SLC1A6: variants seen among roughly 807,000 people sequenced by gnomAD.
The protein encoded by SLC1A6 is excitatory amino acid transporter 4.
A neutral mutation model predicts 42.1 loss-of-function variants in SLC1A6; 15 were observed. That is an observed-to-expected ratio of 0.36 (90% confidence interval 0.24 to 0.55). SLC1A6 has a LOEUF of 0.55. Among genes scored for constraint, SLC1A6 ranks in the 20% least tolerant of loss-of-function variants. The probability of loss-of-function intolerance (pLI) is 0.88; values close to 1 mark genes in which losing one functional copy is unlikely to be tolerated. For missense variants in SLC1A6, 542 were observed against 772.5 expected (o/e 0.70, Z 3.54); for synonymous variants, 317 against 319.7 (o/e 0.99, Z 0.09).
intron 1 of SLC1A6, among the ~76,000 whole-genome samples, chr19:14,995,423 T>C (rs2045841384): frequency 6.7e-6 from 1 of 148,552 alleles, no homozygotes; most frequent in South Asian, 2.2e-4. Flanking sequence ...GTGGTTACCA[T>C]ACCATAGCCT....
intron 2 of SLC1A6, among the ~76,000 whole-genome samples, chr19:14,972,103 T>G (rs1300902219): frequency 1.4e-5 from 2 of 145,006 alleles, no homozygotes; most frequent in Non-Finnish European, 2.9e-5. Context: ...TGTGCAAATG[T>G]AAATGTGTAA....
chr19:14,997,114 A>G (rs1005398135), intron 1 of SLC1A6, among the ~76,000 whole-genome samples: 2 of 152,192 alleles, frequency 1.3e-5, no homozygotes, highest in Non-Finnish European at 2.9e-5. Flanking sequence ...ATTTCCTTGC[A>G]GGCAAAGGAC....
intron 5 of SLC1A6, among the ~76,000 whole-genome samples, chr19:14,963,309 A>G (rs2045536202): frequency 6.6e-6 from 1 of 152,178 alleles, no homozygotes. Context: ...GGGAGCAGGG[A>G]AATTGGGGAG....
At position 14,956,674 on chromosome 19, in the gene SLC1A6, C is replaced by A; in HGVS notation, c.971G>T (p.Gly324Val). The A allele has an allele frequency of 6.2e-7, 1 of 1,613,618 alleles. No homozygotes were observed. Among genetic ancestry groups the A allele is most frequent in the Non-Finnish European group, 8.5e-7 (1 of 1,179,712 alleles). The change falls in exon 7 of 10, where the codon GGG (glycine) becomes GTG (valine). Residue 324 changes from glycine (G) to valine (V), a missense_variant. This residue lies in a region of SLC1A6 where 298 missense variants were observed against 419.4 expected (regional missense o/e 0.71). Coordinates refer to ENST00000594383, the MANE Select transcript of SLC1A6 (RefSeq NM_005071.3). ...CATGTCTTCCATCTCCAGAATCTTC[C>A]CAGCAATCAGGAACAGGATGCCCAC... ...APVGILFLIA[G>V]KILEMEDMAV... is the part of the protein sequence containing the mutation.
intron 1 of SLC1A6, among the ~76,000 whole-genome samples, chr19:14,997,933 C>T (rs564347879): frequency 6.6e-6 from 1 of 151,994 alleles, no homozygotes; most frequent in East Asian, 1.9e-4. Flanking sequence ...ATCCTCTACT[C>T]CAATCTTCAT....
intron 5 of SLC1A6, among the ~76,000 whole-genome samples, chr19:14,963,497 G>A (rs1431690742): frequency 6.6e-6 from 1 of 152,146 alleles, no homozygotes; most frequent in African/African-American, 2.4e-5. Context: ...TAATTGATAT[G>A]TTAATAAGCT....
Position 14,977,669 on chromosome 19 carries a change from C to T in SLC1A6, c.-8+1640G>A, listed in dbSNP as rs6511991. 103,486 of 151,916 alleles carry T rather than the reference C, an allele frequency of 0.68. 35,313 individuals carry two copies. The highest frequency in any genetic ancestry group is 0.72 in the South Asian group (3,464 of 4,816). 9.4% of individuals were successfully genotyped at this position (151,916 alleles called of 1,614,324 possible). ...GGTGGCCTGTGCCTGTAGTCCTAGC[C>T]ACTCAAGAGGCTAAAGCAGGAGGAT... On this transcript the variant is annotated intron_variant, in intron 1 of 9. Transcript: ENST00000594383.
intron 1 of SLC1A6, among the ~76,000 whole-genome samples, chr19:14,989,286 A>T (rs2045807178): frequency 6.6e-6 from 1 of 152,012 alleles, no homozygotes; most frequent in Admixed American, 6.6e-5. Context: ...TTTAAGGAGG[A>T]GTTTCACTCT....
upstream of SLC1A6, among the ~76,000 whole-genome samples, chr19:14,981,954 A>G (rs1260518752): frequency 6.6e-6 from 1 of 151,980 alleles, no homozygotes; most frequent in Non-Finnish European, 1.5e-5. Context: ...CTTGAGTCCA[A>G]GAGGTTGAAT....
At chr19:14,995,478 T>G (rs1401442775) in intron 1 of SLC1A6, among the ~76,000 whole-genome samples, 1 of 152,010 alleles carries the variant, frequency 6.6e-6, no homozygotes, top group Non-Finnish European at 1.5e-5. Flanking sequence ...AAATTTCAGT[T>G]AGATAGGAGA....
chr19:14,962,680 G>T (rs550615867), intron 5 of SLC1A6, among the ~76,000 whole-genome samples: 1 of 152,132 alleles, frequency 6.6e-6, no homozygotes. Context: ...CGAGGCAGGC[G>T]GATCATGAGG....
intron 6 of SLC1A6, among the ~76,000 whole-genome samples, chr19:14,957,992 C>G (rs1568285153): frequency 2.6e-5 from 4 of 152,186 alleles, no homozygotes; most frequent in African/African-American, 7.2e-5. Context: ...ATGAAAGAAG[C>G]AAGTTCATCA....
chr19:14,962,208 G>A lies in SLC1A6; in HGVS notation c.729C>T (p.Ala243=). 6.2e-7 allele frequency: 1 copy of A among 1,614,164 alleles called. No homozygotes were observed. Among genetic ancestry groups the A allele is most frequent in the Non-Finnish European group, 8.5e-7 (1 of 1,180,028 alleles). ...GTSFLENVTR[A]LGTLQEMLSF... is the part of the protein sequence containing the mutation. ...TCAGCATCTCCTGCAGGGTACCCAA[G>A]GCCCGAGTGACATTTTCCAGGAAGC... is the stretch of plus-strand genomic sequence containing the variant. Residue 243 remains alanine (A), a synonymous_variant, in exon 6 of 10, where the codon GCC becomes GCT. Transcript: ENST00000594383.
intron 1 of SLC1A6, among the ~76,000 whole-genome samples, chr19:14,992,803 G>T (rs1257356434): frequency 6.6e-6 from 1 of 152,156 alleles, no homozygotes; most frequent in African/African-American, 2.4e-5. Flanking sequence ...AGCACCCCGG[G>T]CTGTCCCAGA....
intron 1 of SLC1A6, among the ~76,000 whole-genome samples, chr19:15,001,781 C>A (rs1319507484): frequency 6.6e-6 from 1 of 152,072 alleles, no homozygotes; most frequent in Non-Finnish European, 1.5e-5. Flanking sequence ...CCTTCTTCAG[C>A]CTCCAGAGTA....
Position 14,990,261 on chromosome 19 carries a change from C to T in SLC1A6, c.7-17344G>A, listed in dbSNP as rs550338728. 1.6e-3 allele frequency among the ~76,000 whole-genome samples: 250 copies of T among 152,056 alleles called. 1 individual carries two copies. Among genetic ancestry groups the T allele is most frequent in the Middle Eastern group, 6.8e-3 (2 of 294 alleles). On this transcript the variant is annotated intron_variant, in intron 1 of 8. Transcript: ENST00000430939. Reference sequence around the variant, plus strand: ...ATCCTGTCATTTATGACAACATGAACAAATGACAGGATTTCCTTTTGATGA... The same window carrying T: ...ATCCTGTCATTTATGACAACATGAATAAATGACAGGATTTCCTTTTGATGA...
chr19:15,002,014 A>G (rs2045874622), intron 1 of SLC1A6, among the ~76,000 whole-genome samples: 1 of 152,164 alleles, frequency 6.6e-6, no homozygotes, highest in Non-Finnish European at 1.5e-5. Flanking sequence ...TTTTCCAAGT[A>G]AAAAGTGAGG....
intron 3 of SLC1A6, among the ~76,000 whole-genome samples, chr19:14,971,177 G>T (rs1241604258): frequency 6.6e-6 from 1 of 152,094 alleles, no homozygotes; most frequent in Non-Finnish European, 1.5e-5. Context: ...ACTGTGTGGG[G>T]GTTGGTGCCC....
Position 14,961,985 on chromosome 19 carries a change from C to T in SLC1A6, c.935+17G>A, listed in dbSNP as rs1349992110. Reference sequence around the variant, plus strand: ...AGCTCTGGCTCCACCATCCCGTGGGCACAGACCAGGACTCACCAGATAATG... The same window carrying T: ...AGCTCTGGCTCCACCATCCCGTGGGTACAGACCAGGACTCACCAGATAATG... On this transcript the variant is annotated intron_variant, in intron 6 of 9. Coordinates refer to ENST00000594383, the MANE Select transcript of SLC1A6 (RefSeq NM_005071.3). The T allele has an allele frequency of 2.5e-6, 4 of 1,595,074 alleles. No homozygotes were observed. The highest frequency in any genetic ancestry group is 3.4e-6 in the Non-Finnish European group (4 of 1,168,546).
Sources: gnomAD v4.1 joint callset for allele counts (sites outside exome capture counted in the v4.1 genomes callset) on GRCh38, gnomAD v4.1.1 for gene constraint, gnomAD v4.1.1 regional missense constraint, MANE v1.5 for transcripts, NCBI Gene and HGNC (gene_info 2026-07-23, HGNC 2026-07-21) for gene names.